The following ZNF66 variants were observed in gnomAD, a reference collection of about 807,000 sequenced individuals.
The protein encoded by ZNF66 is putative zinc finger protein 66.
A neutral mutation model predicts 35.2 loss-of-function variants in ZNF66; 32 were observed. The observed-to-expected ratio is 0.91, with a 90% CI of 0.69 to 1.22. The LOEUF (loss-of-function observed/expected upper bound fraction) is 1.22, where lower values mean the gene tolerates loss of function less well. Among genes scored for constraint, ZNF66 ranks in the 50% most tolerant of loss-of-function variants. The pLI, the probability that ZNF66 is intolerant of heterozygous loss-of-function variation, is 0.00. For missense variants in ZNF66, 666 were observed against 543.1 expected (o/e 1.23, Z -2.25); for synonymous variants, 231 against 181.3 (o/e 1.27, Z -2.20).
rs1202550072 is a variant in ZNF66, at chr19:20,809,095, T to G, written c.*1773T>G. On this transcript the variant is annotated 3_prime_UTR_variant, in exon 4 of 4. Coordinates refer to ENST00000344519, the MANE Select transcript of ZNF66 (RefSeq NM_001355197.2). ...AAGAAAGGGTATCAGTGATGGAAGA[T>G]GAAATGAATGAAATGAAGTGAGAAG... 1.3e-5 allele frequency among the ~76,000 whole-genome samples: 2 copies of G among 151,626 alleles called. No individual in the cohort carries two copies. Among genetic ancestry groups the G allele is most frequent in the South Asian group, 4.2e-4 (2 of 4,792 alleles).
In ZNF66 at chr19:20,795,529, G is replaced by C. The variant is rs138288065; in HGVS notation, c.226+1651G>C. On this transcript the variant is annotated intron_variant, in intron 3 of 3. Transcript: ENST00000344519. ...AATACAGGCATGCGCCACCATGCCT[G>C]GGTAATTTTGTATTTTTAGTAGAGA... Among the ~76,000 whole-genome samples the C allele has an allele frequency of 8.7e-3, 1,322 of 151,754 alleles. 11 individuals are homozygous for C. The highest frequency in any genetic ancestry group is 0.027 in the Middle Eastern group (8 of 292).
chr19:20,807,552 G>T lies in ZNF66; in HGVS notation c.*230G>T, dbSNP rs1342949844. Among the ~76,000 whole-genome samples, 73 of 151,814 alleles carry T rather than the reference G, an allele frequency of 4.8e-4. No homozygotes were observed. The highest frequency in any genetic ancestry group is 1.0e-4 in the Non-Finnish European group (7 of 67,996). ...GAAACCCTACACCTGTGAAGAATGT[G>T]GCATAGCCTATAACAATTTTCAATC... On this transcript the variant is annotated 3_prime_UTR_variant, in exon 4 of 4. Transcript: ENST00000344519.
chr19:20,780,611 A>T (rs1210915405), intron 1 of ZNF66, among the ~76,000 whole-genome samples: 2 of 152,156 alleles, frequency 1.3e-5, no homozygotes, highest in East Asian at 3.9e-4. Context: ...GTGGTGTCAG[A>T]ATTCAAATGT....
chr19:20,778,719 G>A (rs1289491614), intron 1 of ZNF66, among the ~76,000 whole-genome samples: 1 of 150,560 alleles, frequency 6.6e-6, no homozygotes, highest in Non-Finnish European at 1.5e-5. Flanking sequence ...GGAGGTGGAG[G>A]TTGCAGTGAG....
chr19:20,790,713 C>T (rs1971329097), intron 1 of ZNF66, among the ~76,000 whole-genome samples: 1 of 142,594 alleles, frequency 7.0e-6, no homozygotes, highest in Non-Finnish European at 1.5e-5. Flanking sequence ...AGAGAATCTT[C>T]ATCTGAGAAG....
At chr19:20,777,115 A>T (rs1971202408) in intron 1 of ZNF66, among the ~76,000 whole-genome samples, 1 of 42,574 alleles carries the variant, frequency 2.3e-5, no homozygotes, top group Non-Finnish European at 4.9e-5. Context: ...ACTCTTGTCT[A>T]AAAAAAAAAA....
At chr19:20,794,322 C>T (rs1395159548) in intron 3 of ZNF66, 1 of 173,106 alleles carries the variant, frequency 5.8e-6, no homozygotes, top group Non-Finnish European at 1.2e-5. Context: ...TTTTTGTGCA[C>T]AGTCCATTCT....
In ZNF66 at chr19:20,806,070, T is replaced by A. The variant is rs774848775; in HGVS notation, c.470T>A (p.Phe157Tyr). 3.5e-6 allele frequency: 3 copies of A among 863,322 alleles called. No individual in the cohort carries two copies. The highest frequency in any genetic ancestry group is 5.8e-6 in the Non-Finnish European group (3 of 517,010). The allele number at this position is 863,322 out of a possible 1,614,324, so 53.5% of individuals were successfully genotyped here. ...AAACATGGGAAAGTCTTTCATCAAT[T>A]TTCAAATACAAACAGACATAAGATA... ...CDKHGKVFHQ[F>Y]SNTNRHKIRH... Residue 157 changes from phenylalanine to tyrosine, a missense_variant, in exon 4 of 4, where the codon TTT becomes TAT. Physicochemically the swap from Phe to Tyr is conservative, Grantham distance 22. Coordinates refer to ENST00000344519, the MANE Select transcript of ZNF66 (RefSeq NM_001355197.2).
In ZNF66 at chr19:20,806,303, G is replaced by A. The variant is rs1971507551; in HGVS notation, c.703G>A (p.Gly235Ser). 5.3e-6 allele frequency: 8 copies of A among 1,500,268 alleles called. No individual in the cohort carries two copies. Among genetic ancestry groups the A allele is most frequent in the Non-Finnish European group, 5.6e-6 (6 of 1,077,260 alleles). The allele number at this position is 1,500,268 out of a possible 1,614,324, so 92.9% of individuals were successfully genotyped here. Residue 235 changes from glycine (G) to serine (S), a missense_variant, in exon 4 of 4, where the codon GGC (glycine) becomes AGC (serine). Coordinates refer to ENST00000344519, the MANE Select transcript of ZNF66 (RefSeq NM_001355197.2). Reference protein sequence around the residue: ...GEKRYKCEDCGKAFNRSSNLT... With the variant: ...GEKRYKCEDCSKAFNRSSNLT... The stretch of plus-strand genomic sequence containing the variant: ...GAAACGGTACAAATGTGAAGACTGT[G>A]GCAAAGCCTTTAACCGCTCCTCTAA...
rs559286185 is a variant in ZNF66, at chr19:20,797,502, G to A, written c.226+3624G>A. Among the ~76,000 whole-genome samples, 19 of 151,224 alleles carry A rather than the reference G, an allele frequency of 1.3e-4. 3 individuals carry two copies. Among genetic ancestry groups the A allele is most frequent in the African/African-American group, 3.4e-4 (14 of 41,264 alleles). ...ATTACAGGCGTGAGCCACCGCGCCC[G>A]GCCGATTTTATGAGTAAACATTTAT... On this transcript the variant is annotated intron_variant, in intron 3 of 3. Transcript: ENST00000344519.
At position 20,809,780 on chromosome 19, in the gene ZNF66, C is replaced by T. The variant is rs192053003; in HGVS notation, c.*2458C>T. Among the ~76,000 whole-genome samples the T allele has an allele frequency of 6.3e-3, 957 of 151,734 alleles. 3 individuals are homozygous for T. Among genetic ancestry groups the T allele is most frequent in the Middle Eastern group, 0.014 (4 of 294 alleles). ...GGAAGAAACTGCATGAACTAACGAG[C>T]AAAATAACCAGCTAACATCATAATG... On this transcript the variant is annotated 3_prime_UTR_variant, in exon 4 of 4. Transcript: ENST00000344519.
chr19:20,780,437 A>G (rs1220847212), intron 1 of ZNF66, among the ~76,000 whole-genome samples: 1 of 152,142 alleles, frequency 6.6e-6, no homozygotes, highest in Non-Finnish European at 1.5e-5. Flanking sequence ...AAGTTCTGTG[A>G]GTAGCTCTAC....
At chr19:20,789,071 C>T (rs900044195) in intron 1 of ZNF66, among the ~76,000 whole-genome samples, 19 of 151,774 alleles carry the variant, frequency 1.3e-4, no homozygotes, top group Admixed American at 2.0e-4. Context: ...AAAAAGTTAC[C>T]CTAGAAAACC....
At chr19:20,787,013 G>A (rs781144001) in intron 1 of ZNF66, among the ~76,000 whole-genome samples, 6 of 152,182 alleles carry the variant, frequency 3.9e-5, no homozygotes, top group South Asian at 4.2e-4. Context: ...TGCCCACCTC[G>A]GCCTCCCAAA....
At chr19:20,798,871 T>C (rs1971419731) in intron 3 of ZNF66, 1 of 152,208 alleles carries the variant, frequency 6.6e-6, no homozygotes, top group Non-Finnish European at 1.5e-5. Context: ...TAAAGTGGAA[T>C]AATATTCCAT....
At chr19:20,791,167 C>G (rs898809865) in intron 1 of ZNF66, among the ~76,000 whole-genome samples, 2 of 152,116 alleles carry the variant, frequency 1.3e-5, no homozygotes, top group African/African-American at 4.8e-5. Context: ...GTTCCATTAG[C>G]TGTATGCTGA....
chr19:20,786,291 G>A (rs992007766), intron 1 of ZNF66, among the ~76,000 whole-genome samples: 2 of 152,140 alleles, frequency 1.3e-5, no homozygotes, highest in African/African-American at 4.8e-5. Context: ...CACTTCTAGA[G>A]AGGCTAGATC....
At chr19:20,791,727 A>G (rs530611062) in intron 1 of ZNF66, among the ~76,000 whole-genome samples, 10 of 152,278 alleles carry the variant, frequency 6.6e-5, no homozygotes, top group Admixed American at 3.3e-4. Flanking sequence ...GGAATATTTC[A>G]ATAGTGATGC....
At chr19:20,801,641 G>A (rs1015135549) in intron 3 of ZNF66, among the ~76,000 whole-genome samples, 7 of 151,218 alleles carry the variant, frequency 4.6e-5, no homozygotes, top group Admixed American at 6.6e-5. Flanking sequence ...CACTGCATCC[G>A]GCCTCATGTA....
Sources: allele counts gnomAD v4.1 joint callset (sites outside exome capture counted in the v4.1 genomes callset), GRCh38; gene constraint gnomAD v4.1.1; transcripts MANE v1.5; gene names NCBI Gene and HGNC (gene_info 2026-07-23, HGNC 2026-07-21).